Variants in SLC24A2 observed in about 807,000 individuals in gnomAD.
SLC24A2 encodes the protein solute carrier family 24 member 2, also known as sodium/potassium/calcium exchanger 2.
In SLC24A2, 36 loss-of-function variants were observed where a neutral mutation model predicts 62.0. The observed-to-expected ratio is 0.58, with a 90% CI of 0.44 to 0.77. SLC24A2 has a LOEUF of 0.77. Among genes scored for constraint, SLC24A2 ranks in the 30% least tolerant of loss-of-function variants. The probability of loss-of-function intolerance (pLI) is 0.00; values close to 1 mark genes in which losing one functional copy is unlikely to be tolerated. For missense variants in SLC24A2, 846 were observed against 817.9 expected, an observed-to-expected ratio of 1.03 and a Z score of -0.42; for synonymous variants, 358 against 294.0, an observed-to-expected ratio of 1.22 and a Z score of -2.23.
At chr9:19,828,052 G>A in the SLC24A2 span, among the ~76,000 whole-genome samples, 3 of 152,132 alleles carry the variant, frequency 2.0e-5, no homozygotes, top group Non-Finnish European at 4.4e-5. Flanking sequence ...TTTTATGACG[G>A]TCAACATTAT....
In SLC24A2 at chr9:19,549,997, G is replaced by A. The variant is rs1378086151; in HGVS notation, c.1479+140C>T. 1.3e-5 allele frequency: 10 copies of A among 785,878 alleles called. No homozygotes were observed. In the East Asian group the frequency reaches 2.7e-4, roughly 21 times the overall value. 48.7% of individuals were successfully genotyped at this position (785,878 alleles called of 1,614,324 possible). ...TATTTTTTCTTGTTACATAATAGTTGTACCTATTTATGGGGTATATGTGAG... is the reference window on the plus strand; with the variant it reads ...TATTTTTTCTTGTTACATAATAGTTATACCTATTTATGGGGTATATGTGAG... On this transcript the variant is annotated intron_variant, in intron 8 of 10. Transcript: ENST00000341998.
intron 2 of SLC24A2, among the ~76,000 whole-genome samples, chr9:19,756,926 T>TTTTTTC: frequency 6.8e-6 from 1 of 147,180 alleles, no homozygotes; most frequent in Non-Finnish European, 1.5e-5. Context: ...TTTTTTTTTT[T>TTTTTTC]AGAGACAATG....
intron 2 of SLC24A2, among the ~76,000 whole-genome samples, chr9:19,630,157 C>G (rs1289165046): frequency 6.6e-6 from 1 of 152,158 alleles, no homozygotes; most frequent in African/African-American, 2.4e-5. Context: ...CTAATCATTA[C>G]TTTTGTAGTC....
the SLC24A2 span, among the ~76,000 whole-genome samples, chr9:20,251,352 C>G: frequency 1.4e-5 from 2 of 145,226 alleles, no homozygotes; most frequent in Non-Finnish European, 3.0e-5. Context: ...CATGAGCTTT[C>G]TCATCCTCTT....
At chr9:19,820,277 G>A in the SLC24A2 span, among the ~76,000 whole-genome samples, 23 of 149,086 alleles carry the variant, frequency 1.5e-4, no homozygotes, top group Admixed American at 1.2e-3. Flanking sequence ...GAGTTTGGGG[G>A]TTTGGGGGGA....
chr9:20,037,661 T>C, the SLC24A2 span, among the ~76,000 whole-genome samples: 1 of 152,142 alleles, frequency 6.6e-6, no homozygotes, highest in African/African-American at 2.4e-5. Flanking sequence ...GCGCTTATGA[T>C]TTGGGCAATG....
chr9:20,129,012 T>C, the SLC24A2 span, among the ~76,000 whole-genome samples: 1 of 152,022 alleles, frequency 6.6e-6, no homozygotes, highest in African/African-American at 2.4e-5. Context: ...AGTCACAGGA[T>C]GGAGAAAATA....
the SLC24A2 span, among the ~76,000 whole-genome samples, chr9:19,856,133 A>T: frequency 7.9e-5 from 12 of 152,142 alleles, no homozygotes; most frequent in Non-Finnish European, 8.8e-5. Context: ...CAGCTCCATC[A>T]GGTCATTTAT....
chr9:19,844,118 CTTAA>C, the SLC24A2 span, among the ~76,000 whole-genome samples: 1 of 152,144 alleles, frequency 6.6e-6, no homozygotes, highest in Admixed American at 6.5e-5. Flanking sequence ...TCCACAGGGG[CTTAA>C]TTAATTTACA....
the SLC24A2 span, among the ~76,000 whole-genome samples, chr9:19,947,832 G>GAAAGAAAGAAAA: frequency 7.0e-6 from 1 of 143,116 alleles, no homozygotes; most frequent in African/African-American, 2.5e-5. Flanking sequence ...AAGAAAGAAA[G>GAAAGAAAGAAAA]AAAGAAAGAA....
rs373133880 is a variant in SLC24A2 at position 19,599,864 on chromosome 9, C to T, written c.1079-2585G>A. Reference sequence around the variant, plus strand: ...CTGAGAGGACCCGGGAGGCGCTCACCGGCATAGGAATGTGGCTTGCAACCA... The same window carrying T: ...CTGAGAGGACCCGGGAGGCGCTCACTGGCATAGGAATGTGGCTTGCAACCA... On this transcript the variant is annotated intron_variant, in intron 4 of 10. Coordinates refer to ENST00000341998, the MANE Select transcript of SLC24A2 (RefSeq NM_020344.4). This position sits in a 1 kb window ranked among gnomAD's most constrained non-coding sequence, Gnocchi z 4.5. Among the ~76,000 whole-genome samples the T allele has an allele frequency of 6.6e-5, 10 of 152,240 alleles. No individual in the cohort carries two copies. The East Asian group carries it at 7.7e-4, about 12-fold the overall frequency.
chr9:20,083,390 A>T, the SLC24A2 span, among the ~76,000 whole-genome samples: 215 of 152,350 alleles, frequency 1.4e-3, 2 homozygotes, highest in African/African-American at 4.8e-3. Context: ...GCCATAGCCC[A>T]GGTCTGAACA....
the SLC24A2 span, among the ~76,000 whole-genome samples, chr9:20,212,735 A>G: frequency 2.0e-5 from 3 of 151,900 alleles, no homozygotes; most frequent in African/African-American, 7.3e-5. Flanking sequence ...TAGCCTATGT[A>G]TAATATTTTT....
chr9:20,095,783 A>T, the SLC24A2 span, among the ~76,000 whole-genome samples: 2 of 151,930 alleles, frequency 1.3e-5, no homozygotes. Flanking sequence ...GTTTTAATGG[A>T]CTCACATTTC....
At chr9:19,978,861 G>C in the SLC24A2 span, among the ~76,000 whole-genome samples, 2 of 152,210 alleles carry the variant, frequency 1.3e-5, no homozygotes, top group South Asian at 2.1e-4. Context: ...GGCAGATAAA[G>C]AGCTCTACTG....
the SLC24A2 span, among the ~76,000 whole-genome samples, chr9:20,231,594 G>C: frequency 1.3e-5 from 2 of 152,182 alleles, no homozygotes; most frequent in African/African-American, 4.8e-5. Flanking sequence ...TGTATCCTGA[G>C]ACTTTGCTGA....
the SLC24A2 span, among the ~76,000 whole-genome samples, chr9:19,990,616 CAAAAAAAAAAAAACA>C: frequency 6.6e-5 from 3 of 45,130 alleles, no homozygotes; most frequent in South Asian, 5.3e-4. Context: ...CCTAAAAAAA[CAAAAAAAAAAAAACA>C]AAACAAAAAA....
the SLC24A2 span, among the ~76,000 whole-genome samples, chr9:20,103,171 G>C: frequency 3.9e-5 from 6 of 152,218 alleles, no homozygotes; most frequent in East Asian, 1.2e-3. Flanking sequence ...GCCCAGGCTT[G>C]CTTAGGTAAA....
chr9:19,630,231 CAA>C (rs905165426), intron 2 of SLC24A2, among the ~76,000 whole-genome samples: 18 of 151,962 alleles, frequency 1.2e-4, no homozygotes, highest in African/African-American at 4.4e-4. Flanking sequence ...GAGAAGCTGG[CAA>C]AGACTATAAA....
Sources: allele counts gnomAD v4.1 joint callset (sites outside exome capture counted in the v4.1 genomes callset), GRCh38; gene constraint gnomAD v4.1.1; non-coding constraint Gnocchi (gnomAD v3.1); transcripts MANE v1.5; gene names NCBI Gene and HGNC (gene_info 2026-07-23, HGNC 2026-07-21).